SLC35F2: variants seen among roughly 807,000 people sequenced by gnomAD.
SLC35F2 encodes the protein solute carrier family 35 member F2.
In SLC35F2, 25 loss-of-function variants were observed where a neutral mutation model predicts 38.1. The observed-to-expected ratio is 0.66, with a 90% CI of 0.48 to 0.92. The LOEUF (loss-of-function observed/expected upper bound fraction) is 0.92. SLC35F2 is among the 40% of genes least tolerant of loss of function. The pLI, the probability that SLC35F2 is intolerant of heterozygous loss-of-function variation, is 0.00. For missense variants in SLC35F2, 409 were observed against 452.9 expected (o/e 0.90, Z 0.88); for synonymous variants, 173 against 181.7 (o/e 0.95, Z 0.38).
chr11:107,818,774 CTTTT>C (rs926034639), intron 1 of SLC35F2, among the ~76,000 whole-genome samples: 1 of 151,978 alleles, frequency 6.6e-6, no homozygotes, highest in South Asian at 2.1e-4. Context: ...ATTCCTTTTT[CTTTT>C]TTGTTTTCAT....
intron 1 of SLC35F2, among the ~76,000 whole-genome samples, chr11:107,827,224 T>C (rs1303802249): frequency 6.6e-6 from 1 of 152,148 alleles, no homozygotes; most frequent in Non-Finnish European, 1.5e-5. Flanking sequence ...ATATATCCTA[T>C]CTCTTTCCCC....
rs1859151633 is a variant in SLC35F2, at chr11:107,792,670, T to C, written c.1070A>G (p.Asn357Ser). The C allele has an allele frequency of 1.9e-6, 3 of 1,613,774 alleles. No individual in the cohort carries two copies. The highest frequency in any genetic ancestry group is 4.5e-5 in the East Asian group (2 of 44,844). The part of the protein sequence containing the change: ...VPPVTSIGID[N>S]LGLKLEENLQ... ...GTTCTCCTCCAGCTTCAGCCCCAGG[T>C]TGTCAATCCCAATGCTGGTGACTGG... Residue 357 changes from asparagine to serine, a missense_variant, in exon 8 of 8, where the codon AAC (asparagine) becomes AGC (serine). Transcript: ENST00000525815.
intron 1 of SLC35F2, among the ~76,000 whole-genome samples, chr11:107,817,713 A>G (rs1202992697): frequency 6.6e-6 from 1 of 152,076 alleles, no homozygotes; most frequent in Non-Finnish European, 1.5e-5. Flanking sequence ...AACACACAAC[A>G]AAGTATGTAT....
intron 1 of SLC35F2, among the ~76,000 whole-genome samples, chr11:107,858,182 A>G (rs1860326081): frequency 6.6e-6 from 1 of 152,142 alleles, no homozygotes; most frequent in Admixed American, 6.5e-5. Context: ...AGCAGCACAA[A>G]ACTTAACCAG....
At chr11:107,819,383 G>A (rs1280114534) in intron 1 of SLC35F2, among the ~76,000 whole-genome samples, 1 of 152,180 alleles carries the variant, frequency 6.6e-6, no homozygotes, top group Non-Finnish European at 1.5e-5. Flanking sequence ...CACTGTGTTA[G>A]GTTACTGGAG....
At chr11:107,817,734 C>T (rs1273852366) in intron 1 of SLC35F2, among the ~76,000 whole-genome samples, 1 of 152,034 alleles carries the variant, frequency 6.6e-6, no homozygotes, top group Non-Finnish European at 1.5e-5. Context: ...AATGTATAAT[C>T]AACATGTATC....
At position 107,792,161 on chromosome 11, in the gene SLC35F2, C is replaced by CTAAA. The variant is rs767622537; in HGVS notation, c.*453_*454insTTTA. 1 of 78,104 alleles carries CTAAA rather than the reference C, an allele frequency of 1.3e-5. No homozygotes were observed. Among genetic ancestry groups the CTAAA allele is most frequent in the Non-Finnish European group, 2.4e-5 (1 of 40,902 alleles). 4.8% of individuals were successfully genotyped at this position (78,104 alleles called of 1,614,324 possible). On this transcript the variant is annotated 3_prime_UTR_variant, in exon 8 of 8. Transcript: ENST00000525815. Reference sequence around the variant, plus strand: ...GGCCTGTGGACAATAACTGCCTCAGCAAAAAAAAAAAAAAAAAAAAACCTT... The same window carrying CTAAA: ...GGCCTGTGGACAATAACTGCCTCAGCTAAAAAAAAAAAAAAAAAAAAAAAACCTT...
chr11:107,823,251 T>C, intron 1 of SLC35F2: 1 of 982,532 alleles, frequency 1.0e-6, no homozygotes, highest in African/African-American at 1.7e-5. Context: ...TAAATTATTC[T>C]TTTCTTTTTA....
rs1177544735 is a variant in SLC35F2 at position 107,811,902 on chromosome 11, T to TTCC, written c.287-109_287-108insGGA. 9 of 1,069,758 alleles carry TTCC rather than the reference T, an allele frequency of 8.4e-6. No homozygotes were observed. In the East Asian group the frequency reaches 2.2e-4, roughly 27 times the overall value. 66.3% of individuals were successfully genotyped at this position (1,069,758 alleles called of 1,614,324 possible). On this transcript the variant is annotated intron_variant, in intron 2 of 7. Coordinates refer to ENST00000525815, the MANE Select transcript of SLC35F2 (RefSeq NM_017515.5). The stretch of plus-strand genomic sequence containing the variant: ...AAGAGTTTCTTGTTTTTTTTTCTTT[T>TTCC]TTCTTCTTCTTCTTTTTGAGATAGG...
At position 107,806,739 on chromosome 11, in the gene SLC35F2, T is replaced by C; in HGVS notation, c.552A>G (p.Leu184=). The C allele has an allele frequency of 6.2e-7, 1 of 1,614,080 alleles. No individual in the cohort carries two copies. The highest frequency in any genetic ancestry group is 1.1e-5 in the South Asian group (1 of 91,082). ...GVGTMVGADI[L]AGREDNSGSD... ...CACCTGAATTGTCTTCCCTCCCTGC[T>C]AGTATGTCTGCACCAACCATGGTTC... Residue 184 remains leucine (L), a synonymous_variant, in exon 4 of 8, where the codon CTA becomes CTG. Transcript: ENST00000525815.
chr11:107,846,929 CAAA>C (rs34711328), intron 1 of SLC35F2, among the ~76,000 whole-genome samples: 1 of 136,778 alleles, frequency 7.3e-6, no homozygotes. Flanking sequence ...GACTCTGTCT[CAAA>C]AAAAAAAAAA....
chr11:107,802,876 G>T, intron 7 of SLC35F2, 125 bp downstream of exon 7: 1 of 923,254 alleles, frequency 1.1e-6, no homozygotes, highest in Non-Finnish European at 1.6e-6. Context: ...AGGGAGGCCT[G>T]ACCAATGAAA....
chr11:107,793,773 G>A (rs1001470641), intron 7 of SLC35F2, among the ~76,000 whole-genome samples: 4 of 152,124 alleles, frequency 2.6e-5, no homozygotes, highest in African/African-American at 9.7e-5. Context: ...ACAGAGCCCT[G>A]TGAGAGGCAT....
intron 1 of SLC35F2, among the ~76,000 whole-genome samples, chr11:107,853,884 T>C (rs929616837): frequency 2.6e-5 from 4 of 151,886 alleles, no homozygotes; most frequent in Non-Finnish European, 2.9e-5. Context: ...TTGCTAGAGA[T>C]ATAAAGTTGA....
At chr11:107,795,623 G>A (rs1215325728) in intron 7 of SLC35F2, among the ~76,000 whole-genome samples, 1 of 152,028 alleles carries the variant, frequency 6.6e-6, no homozygotes, top group Non-Finnish European at 1.5e-5. Context: ...ACTAAAGAGT[G>A]AAAAACAAAT....
chr11:107,841,498 G>A (rs1860011381), intron 1 of SLC35F2, among the ~76,000 whole-genome samples: 1 of 148,750 alleles, frequency 6.7e-6, no homozygotes, highest in South Asian at 2.1e-4. Context: ...AGGAGGCGGA[G>A]GCCACAGTGA....
intron 1 of SLC35F2, among the ~76,000 whole-genome samples, chr11:107,833,998 G>C (rs1025695956): frequency 6.6e-6 from 1 of 152,184 alleles, no homozygotes; most frequent in African/African-American, 2.4e-5. Context: ...ATGCTATGCC[G>C]GACACGGACT....
chr11:107,803,972 C>T (rs924815208), intron 6 of SLC35F2, among the ~76,000 whole-genome samples: 1 of 150,974 alleles, frequency 6.6e-6, no homozygotes, highest in African/African-American at 2.4e-5. Context: ...ATTATAGGCG[C>T]CCGCCACCAT....
chr11:107,819,601 C>T (rs545648223), intron 1 of SLC35F2, among the ~76,000 whole-genome samples: 9 of 152,160 alleles, frequency 5.9e-5, no homozygotes, highest in Admixed American at 1.3e-4. Flanking sequence ...AAAGGAAATT[C>T]ACCACTTAGT....
Sources: gnomAD v4.1 joint callset for allele counts (sites outside exome capture counted in the v4.1 genomes callset) on GRCh38, gnomAD v4.1.1 for gene constraint, MANE v1.5 for transcripts, NCBI Gene and HGNC (gene_info 2026-07-23, HGNC 2026-07-21) for gene names.